The following SNX29 variants were observed in gnomAD, a reference collection of about 807,000 sequenced individuals.
SNX29 encodes the protein sorting nexin-29.
SNX29 carries 78 observed loss-of-function variants against 102.1 expected under a neutral mutation model. The observed-to-expected ratio is 0.76, with a 90% CI of 0.64 to 0.92. SNX29 has a LOEUF of 0.92. Among genes scored for constraint, SNX29 ranks in the 40% least tolerant of loss-of-function variants. SNX29 has a pLI of 0.00. For missense variants in SNX29, 1,280 were observed against 1,061.7 expected (o/e 1.21, Z -2.86); for synonymous variants, 580 against 414.5 (o/e 1.40, Z -4.85).
intron 15 of SNX29, among the ~76,000 whole-genome samples, chr16:12,308,934 G>A (rs2080440228): frequency 1.3e-5 from 2 of 152,170 alleles, no homozygotes; most frequent in African/African-American, 2.4e-5. Context: ...AATGAGTCGG[G>A]GAAATGCAGG....
chr16:12,215,610 G>A (rs1455248515), intron 14 of SNX29, among the ~76,000 whole-genome samples: 12 of 152,204 alleles, frequency 7.9e-5, no homozygotes, highest in Admixed American at 5.2e-4. Context: ...AGTGGAACAG[G>A]CAGGCAGGTG....
intron 7 of SNX29, among the ~76,000 whole-genome samples, chr16:12,049,268 C>T (rs980262486): frequency 6.6e-6 from 1 of 151,824 alleles, no homozygotes; most frequent in East Asian, 1.9e-4. Context: ...GCAGGAGGAT[C>T]GCTTGAGTTC....
intron 4 of SNX29, chr16:12,027,722 C>G (rs350222): frequency 0.67 from 155,899 of 231,034 alleles, 53,670 homozygotes; most frequent in African/African-American, 0.8. Flanking sequence ...TATTTCACCA[C>G]TGTGGCGTGC....
intron 13 of SNX29, among the ~76,000 whole-genome samples, chr16:12,142,906 G>T (rs1021975783): frequency 6.6e-6 from 1 of 151,946 alleles, no homozygotes; most frequent in African/African-American, 2.4e-5. Flanking sequence ...TTACTGTTCC[G>T]TGTGAAGCTT....
In SNX29 at chr16:12,342,657, G is replaced by A. The variant is rs531819303; in HGVS notation, c.1783-13506G>A. On this transcript the variant is annotated intron_variant, in intron 15 of 20. Transcript: ENST00000566228. ...TGGCTCATTTAGTCCTCATAACAAC[G>A]CTATCATGTAAGAGCTCCTATGGCC... 7.2e-5 allele frequency among the ~76,000 whole-genome samples: 11 copies of A among 152,264 alleles called. No homozygotes were observed. In the South Asian group the frequency reaches 1.2e-3, roughly 17 times the overall value.
intron 20 of SNX29, among the ~76,000 whole-genome samples, chr16:12,540,815 GAAGGGGCAAAAAGAAAC>G (rs1272942355): frequency 6.6e-6 from 1 of 152,200 alleles, no homozygotes; most frequent in South Asian, 2.1e-4. Flanking sequence ...AGGCATGAGA[GAAGGGGCAAAAAGAAAC>G]AAGATCGCCT....
At chr16:12,012,451 C>T (rs2056685654) in intron 3 of SNX29, among the ~76,000 whole-genome samples, 1 of 152,040 alleles carries the variant, frequency 6.6e-6, no homozygotes. Flanking sequence ...TTTTGTTGTC[C>T]AGGCTGGAGT....
intron 16 of SNX29, among the ~76,000 whole-genome samples, chr16:12,365,810 A>T (rs2082452540): frequency 6.6e-6 from 1 of 151,724 alleles, no homozygotes; most frequent in Non-Finnish European, 1.5e-5. Context: ...TGGGAGGCCG[A>T]GGCAGGCGGA....
chr16:12,526,688 G>A, intron 20 of SNX29: 1 of 501,320 alleles, frequency 2.0e-6, no homozygotes, highest in Non-Finnish European at 3.8e-6. Context: ...TGAATTCCCT[G>A]GTGAAAACTG....
intron 20 of SNX29, chr16:12,545,546 A>G (rs986467428): frequency 6.6e-6 from 1 of 152,160 alleles, no homozygotes; most frequent in African/African-American, 2.4e-5. Context: ...CCAGCAGACG[A>G]CTTATGGAGA....
At chr16:12,265,642 A>T (rs531225502) in intron 14 of SNX29, among the ~76,000 whole-genome samples, 3 of 143,098 alleles carry the variant, frequency 2.1e-5, no homozygotes, top group African/African-American at 7.8e-5. Flanking sequence ...GGGTGGATCA[A>T]TTGTGCCTAG....
chr16:12,540,385 A>G (rs999713400), intron 20 of SNX29, among the ~76,000 whole-genome samples: 1 of 152,198 alleles, frequency 6.6e-6, no homozygotes, highest in African/African-American at 2.4e-5. Context: ...GCCCTACCAA[A>G]TTGGCACAAA....
At chr16:12,101,428 G>A (rs2053014046) in intron 11 of SNX29, among the ~76,000 whole-genome samples, 1 of 150,206 alleles carries the variant, frequency 6.7e-6, no homozygotes, top group Admixed American at 6.7e-5. Flanking sequence ...CTGTTGCCCA[G>A]GCTGGAGTAC....
intron 14 of SNX29, among the ~76,000 whole-genome samples, chr16:12,228,004 G>A (rs915798066): frequency 4.0e-5 from 6 of 151,886 alleles, no homozygotes; most frequent in African/African-American, 1.2e-4. Flanking sequence ...ATGTTGCTGG[G>A]CTGGCCCACG....
chr16:11,980,295 C>T (rs937479196), intron 1 of SNX29, among the ~76,000 whole-genome samples: 11 of 152,064 alleles, frequency 7.2e-5, no homozygotes, highest in East Asian at 1.9e-4. Context: ...TTTTTTCACT[C>T]GGTATAATTT....
chr16:12,096,781 C>T lies in SNX29; in HGVS notation c.1402+17866C>T, dbSNP rs1302572980. 1.3e-5 allele frequency among the ~76,000 whole-genome samples: 2 copies of T among 152,362 alleles called. No homozygotes were observed. The highest frequency in any genetic ancestry group is 3.9e-4 in the East Asian group (2 of 5,188). The stretch of plus-strand genomic sequence containing the variant: ...GGAAGTTTTAGGTTATGCAGTACAG[C>T]TCCCAACTCCTTACCTGGAAAAAGA... On this transcript the variant is annotated intron_variant, in intron 11 of 20. Transcript: ENST00000566228. This position sits in a 1 kb window ranked among gnomAD's most constrained non-coding sequence, Gnocchi z 4.2.
Position 12,231,617 on chromosome 16 carries a change from T to C in SNX29, c.1678+31934T>C, listed in dbSNP as rs890036055. Among the ~76,000 whole-genome samples, 3 of 152,342 alleles carry C rather than the reference T, an allele frequency of 2.0e-5. No homozygotes were observed. The East Asian group carries it at 5.8e-4, about 29-fold the overall frequency. On this transcript the variant is annotated intron_variant, in intron 14 of 20. Transcript: ENST00000566228. ...CAGGGAATGCCTTTTGTGTACAGAA[T>C]TTCCCCATGTTTCTAGTTATTTTGG...
rs537161751 is a variant in SNX29 at position 12,251,703 on chromosome 16, C to T, written c.1679-26230C>T. ...GGGCAACAGAGTAAGACTCTGTCTC[C>T]AAAACAAAAGCAAAAACAAAAACCA... On this transcript the variant is annotated intron_variant, in intron 14 of 20. Coordinates refer to ENST00000566228, the MANE Select transcript of SNX29 (RefSeq NM_032167.5). Among the ~76,000 whole-genome samples the T allele has an allele frequency of 8.4e-4, 128 of 152,060 alleles. 1 individual carries two copies. The highest frequency in any genetic ancestry group is 3.0e-3 in the African/African-American group (123 of 41,510).
chr16:12,468,199 G>A (rs1481608172), intron 18 of SNX29, among the ~76,000 whole-genome samples: 1 of 71,264 alleles, frequency 1.4e-5, no homozygotes, highest in Non-Finnish European at 2.4e-5. Flanking sequence ...TTTTTTTAGG[G>A]GGAGTTTTAC....
Sources: gnomAD v4.1 joint callset for allele counts (sites outside exome capture counted in the v4.1 genomes callset) on GRCh38, gnomAD v4.1.1 for gene constraint, Gnocchi (gnomAD v3.1) non-coding constraint, MANE v1.5 for transcripts, NCBI Gene and HGNC (gene_info 2026-07-23, HGNC 2026-07-21) for gene names.